The following TMCO4 variants were observed in gnomAD, a reference collection of about 807,000 sequenced individuals.
TMCO4 encodes transmembrane and coiled-coil domains 4, also known as transmembrane and coiled-coil domain-containing protein 4.
In TMCO4, 58 loss-of-function variants were observed where a neutral mutation model predicts 64.7. The ratio of observed to expected loss-of-function variants is 0.90; its 90% CI spans 0.73 to 1.12. TMCO4 has a LOEUF of 1.12. TMCO4 is among the 50% of genes most tolerant of loss of function. The pLI, the probability that TMCO4 is intolerant of heterozygous loss-of-function variation, is 0.00. For missense variants in TMCO4, 780 were observed against 825.9 expected (o/e 0.94, Z 0.68); for synonymous variants, 325 against 346.1 (o/e 0.94, Z 0.68).
chr1:19,737,440 G>T lies in TMCO4; in HGVS notation c.1196C>A (p.Thr399Asn). 1 of 1,613,994 alleles carries T rather than the reference G, an allele frequency of 6.2e-7. No individual in the cohort carries two copies. Among genetic ancestry groups the T allele is most frequent in the Non-Finnish European group, 8.5e-7 (1 of 1,179,960 alleles). ...GGCTCCCAGGCTGAAGCCAATCAAG[G>T]TGACAGGTCGTCGCCCCTGAAGGGA... ...LSRQQGRRPV[T>N]LIGFSLGARV... Residue 399 changes from threonine to asparagine, a missense_variant, in exon 13 of 16, where the codon ACC (threonine) becomes AAC (asparagine). Transcript: ENST00000294543.
chr1:19,733,729 G>A (rs1331134691), intron 13 of TMCO4, among the ~76,000 whole-genome samples: 1 of 152,180 alleles, frequency 6.6e-6, no homozygotes, highest in Non-Finnish European at 1.5e-5. Flanking sequence ...GAGCAAGCAG[G>A]GAGGTATAAC....
At chr1:19,758,667 C>A (rs1349121385) in intron 6 of TMCO4, among the ~76,000 whole-genome samples, 1 of 152,118 alleles carries the variant, frequency 6.6e-6, no homozygotes, top group African/African-American at 2.4e-5. Flanking sequence ...GCTCTAGGAG[C>A]AAATCTCCTC....
Position 19,739,911 on chromosome 1 carries a change from A to T in TMCO4, c.1092T>A (p.Asn364Lys). Reference protein sequence around the residue: ...TWPASLLSVANVIDNPWGVCL... With the variant: ...TWPASLLSVAKVIDNPWGVCL... ...ACACCCCCCAGGGGTTGTCGATGAC[A>T]TTGGCGACACTGAGGAGTGAGGCTG... is the stretch of plus-strand genomic sequence containing the variant. Residue 364 changes from asparagine (N) to lysine (K), a missense_variant, in exon 12 of 16, where the codon AAT becomes AAA. Physicochemically the swap from Asn to Lys is moderately conservative, Grantham distance 94. Transcript: ENST00000294543. 6.2e-7 allele frequency: 1 copy of T among 1,613,932 alleles called. No homozygotes were observed. Among genetic ancestry groups the T allele is most frequent in the Non-Finnish European group, 8.5e-7 (1 of 1,179,962 alleles).
rs2095119449 is a variant in TMCO4, at chr1:19,683,391, C to T, written c.1554G>A (p.Val518=). The T allele has an allele frequency of 1.9e-6, 3 of 1,613,726 alleles. No homozygotes were observed. The highest frequency in any genetic ancestry group is 2.5e-6 in the Non-Finnish European group (3 of 1,180,030). ...CCCAGCCTGGCTTGGTGCGGATGCC[C>T]ACGGCCTTCAGGATGGCATCCATCT... ...AKQMDAILKA[V]GIRTKPGWDE... The change falls in exon 16 of 16, where the codon GTG becomes GTA. Residue 518 remains valine (V), a synonymous_variant. Coordinates refer to ENST00000294543, the MANE Select transcript of TMCO4 (RefSeq NM_181719.7).
At chr1:19,787,695 C>T (rs572797526) in intron 2 of TMCO4, among the ~76,000 whole-genome samples, 3 of 152,294 alleles carry the variant, frequency 2.0e-5, no homozygotes, top group Admixed American at 2.0e-4. Context: ...AACTTCAAAC[C>T]AAAACTTCAA....
intron 2 of TMCO4, among the ~76,000 whole-genome samples, chr1:19,788,766 C>T (rs1211252313): frequency 6.6e-6 from 1 of 152,158 alleles, no homozygotes; most frequent in Non-Finnish European, 1.5e-5. Context: ...TACAATATGA[C>T]TCTAGTTATG....
chr1:19,731,615 A>G (rs530435822), intron 13 of TMCO4, among the ~76,000 whole-genome samples: 1 of 152,328 alleles, frequency 6.6e-6, no homozygotes, highest in East Asian at 1.9e-4. Context: ...AGAGGCCTGT[A>G]CCTTGCCGCG....
At chr1:19,714,752 G>T (rs552532938) in intron 13 of TMCO4, among the ~76,000 whole-genome samples, 1 of 151,940 alleles carries the variant, frequency 6.6e-6, no homozygotes, top group Non-Finnish European at 1.5e-5. Context: ...GTGAAACCCC[G>T]TCTCTATTAA....
In TMCO4 at chr1:19,684,973, T is replaced by C. The variant is rs150514871; in HGVS notation, c.1501-1529A>G. On this transcript the variant is annotated intron_variant, in intron 15 of 15. Coordinates refer to ENST00000294543, the MANE Select transcript of TMCO4 (RefSeq NM_181719.7). Reference sequence around the variant, plus strand: ...TCCTTGAAGACTGTGGAGTGGCACATCAGCCCTAAATGGCCTATTCTGATT... The same window carrying C: ...TCCTTGAAGACTGTGGAGTGGCACACCAGCCCTAAATGGCCTATTCTGATT... Among the ~76,000 whole-genome samples, 1,340 of 152,292 alleles carry C rather than the reference T, an allele frequency of 8.8e-3. 14 individuals are homozygous for C. The highest frequency in any genetic ancestry group is 0.014 in the Non-Finnish European group (953 of 68,028).
chr1:19,796,413 G>A (rs1213462217), intron 2 of TMCO4, among the ~76,000 whole-genome samples: 1 of 152,152 alleles, frequency 6.6e-6, no homozygotes, highest in Admixed American at 6.5e-5. Context: ...CATAATGGCC[G>A]GTTGCTAATG....
intron 13 of TMCO4, among the ~76,000 whole-genome samples, chr1:19,709,400 G>C (rs2095319487): frequency 6.7e-6 from 1 of 150,356 alleles, no homozygotes; most frequent in African/African-American, 2.5e-5. Flanking sequence ...GCAACTGGTG[G>C]ATACAATCCA....
chr1:19,741,806 G>A (rs1430684790), intron 10 of TMCO4, among the ~76,000 whole-genome samples: 2 of 149,720 alleles, frequency 1.3e-5, no homozygotes, highest in African/African-American at 2.5e-5. Flanking sequence ...GCACGATCTC[G>A]GTTCACTGCA....
rs74228466 is a variant in TMCO4, at chr1:19,701,151, C to T, written c.1265-266G>A. ...CTATTCCTTCAAAGGATCATTACAC[C>T]ATTTTATCTATTTTATTTTATTAAT... On this transcript the variant is annotated intron_variant, in intron 13 of 15. Coordinates refer to ENST00000294543, the MANE Select transcript of TMCO4 (RefSeq NM_181719.7). The T allele has an allele frequency of 7.6e-3, 2,137 of 280,490 alleles. 19 individuals are homozygous for T. Among genetic ancestry groups the T allele is most frequent in the South Asian group, 0.019 (155 of 8,112 alleles). 17.4% of individuals were successfully genotyped at this position (280,490 alleles called of 1,614,324 possible). A position where few individuals can be genotyped will look rare whatever the true frequency, so the allele number is the denominator to read the frequency against.
chr1:19,783,163 C>T (rs909235445), intron 3 of TMCO4, among the ~76,000 whole-genome samples: 2 of 152,146 alleles, frequency 1.3e-5, no homozygotes, highest in Non-Finnish European at 2.9e-5. Flanking sequence ...GGGTGTAGGG[C>T]ACTGGGGTTG....
Position 19,745,359 on chromosome 1 carries a change from G to A in TMCO4, c.877+173C>T, listed in dbSNP as rs1364755727. 5 of 985,320 alleles carry A rather than the reference G, an allele frequency of 5.1e-6. No individual in the cohort carries two copies. The Admixed American group carries it at 1.2e-4, about 23-fold the overall frequency. The allele number at this position is 985,320 out of a possible 1,614,324, so 61.0% of individuals were successfully genotyped here. On this transcript the variant is annotated intron_variant, in intron 10 of 15. Coordinates refer to ENST00000294543, the MANE Select transcript of TMCO4 (RefSeq NM_181719.7). ...GGATAGATGGATGGCGAGATGATGG[G>A]CAGGTGGACAGATGTGAGATGAAGT... is the stretch of plus-strand genomic sequence containing the variant.
intron 13 of TMCO4, among the ~76,000 whole-genome samples, chr1:19,735,536 T>C (rs573768781): frequency 1.5e-4 from 23 of 152,310 alleles, no homozygotes; most frequent in African/African-American, 5.5e-4. Flanking sequence ...AACTTCCCAG[T>C]GTCACACAAA....
At chr1:19,756,186 C>G (rs1469487379) in intron 6 of TMCO4, among the ~76,000 whole-genome samples, 1 of 152,082 alleles carries the variant, frequency 6.6e-6, no homozygotes, top group Non-Finnish European at 1.5e-5. Flanking sequence ...GAGGTTGAGG[C>G]TGCAGTGAGC....
At chr1:19,730,764 C>T (rs991811287) in intron 13 of TMCO4, among the ~76,000 whole-genome samples, 1 of 152,104 alleles carries the variant, frequency 6.6e-6, no homozygotes, top group Non-Finnish European at 1.5e-5. Flanking sequence ...GAAGGAATGA[C>T]AAGTTTTGTT....
rs367865068 is a variant in TMCO4, at chr1:19,682,858, C to T, written c.*182G>A. 1.8e-4 allele frequency: 158 copies of T among 893,766 alleles called. No homozygotes were observed. Among genetic ancestry groups the T allele is most frequent in the Non-Finnish European group, 2.6e-4 (148 of 576,294 alleles). The allele number at this position is 893,766 out of a possible 1,614,324, so 55.4% of individuals were successfully genotyped here. On this transcript the variant is annotated 3_prime_UTR_variant, in exon 16 of 16. Coordinates refer to ENST00000294543, the MANE Select transcript of TMCO4 (RefSeq NM_181719.7). Reference sequence around the variant, plus strand: ...GGACAGGCAGCTTCCCAAGGGTGGGCGTGTTCTCTCCTCCAAATTCCCCTT... The same window carrying T: ...GGACAGGCAGCTTCCCAAGGGTGGGTGTGTTCTCTCCTCCAAATTCCCCTT...
Sources: allele counts gnomAD v4.1 joint callset (sites outside exome capture counted in the v4.1 genomes callset), GRCh38; gene constraint gnomAD v4.1.1; transcripts MANE v1.5; gene names NCBI Gene and HGNC (gene_info 2026-07-23, HGNC 2026-07-21).